Variants in SASH1 observed in about 807,000 individuals in gnomAD.
SASH1 encodes the protein SAM and SH3 domain containing 1.
SASH1 carries 44 observed loss-of-function variants against 125.2 expected under a neutral mutation model. The observed-to-expected ratio is 0.35, with a 90% CI of 0.28 to 0.45. The LOEUF is 0.45. Ranked by LOEUF, SASH1 falls within the 20% of genes least tolerant of loss-of-function variation. The probability of loss-of-function intolerance (pLI) is 1.00; values close to 1 mark genes in which losing one functional copy is unlikely to be tolerated. For synonymous variants in SASH1, 639 were observed against 649.1 expected, an observed-to-expected ratio of 0.98 and a Z score of 0.24; for missense variants, 1,426 against 1,614.5, an observed-to-expected ratio of 0.88 and a Z score of 2.00.
Position 148,543,859 on chromosome 6 carries a change from A to G in SASH1, c.2389A>G (p.Lys797Glu). Residue 797 changes from lysine (K) to glutamate (E), a missense_variant, in exon 18 of 20, where the codon AAG (lysine) becomes GAG (glutamate). Around this residue, in one of 3 missense-constraint regions of SASH1, gnomAD observed 634 missense variants for 694.4 expected, o/e 0.91. Coordinates refer to ENST00000367467, the MANE Select transcript of SASH1 (RefSeq NM_015278.5). ...TGGTGGCCTTGCCCCAGACACGTCC[A>G]AGAGCTGTGACCCACCTGGTGTGAC... ...LGGGLAPDTS[K>E]SCDPPGVTGL... is the part of the protein sequence containing the mutation. 1.2e-6 allele frequency: 2 copies of G among 1,614,174 alleles called. No individual in the cohort carries two copies. Among genetic ancestry groups the G allele is most frequent in the Middle Eastern group, 3.3e-4 (2 of 6,062 alleles).
At chr6:148,219,205 C>T in the SASH1 span, among the ~76,000 whole-genome samples, 1 of 152,208 alleles carries the variant, frequency 6.6e-6, no homozygotes, top group Non-Finnish European at 1.5e-5. Flanking sequence ...CCATCTCCCT[C>T]ACCTCCTACA....
chr6:148,255,649 T>G, the SASH1 span, among the ~76,000 whole-genome samples: 1 of 152,130 alleles, frequency 6.6e-6, no homozygotes, highest in African/African-American at 2.4e-5. Flanking sequence ...ATTTGTTTTT[T>G]TCTTTTGAGA....
intron 1 of SASH1, among the ~76,000 whole-genome samples, chr6:148,276,973 T>A (rs910945980): frequency 2.0e-5 from 3 of 152,080 alleles, no homozygotes; most frequent in Non-Finnish European, 4.4e-5. Context: ...TACATACCAT[T>A]TACTATGTGC....
At chr6:148,538,560 G>GTCACT (rs1782015146) in intron 16 of SASH1, among the ~76,000 whole-genome samples, 1 of 152,114 alleles carries the variant, frequency 6.6e-6, no homozygotes, top group African/African-American at 2.4e-5. Flanking sequence ...TTTTTCATTA[G>GTCACT]TCACTTTAAA....
chr6:148,213,277 A>G, the SASH1 span, among the ~76,000 whole-genome samples: 4 of 152,228 alleles, frequency 2.6e-5, no homozygotes, highest in African/African-American at 9.6e-5. Context: ...GATATTGCAC[A>G]GAAACCTCCA....
chr6:148,532,749 G>T lies in SASH1; in HGVS notation c.1565-48G>T. On this transcript the variant is annotated intron_variant, in intron 13 of 19. Coordinates refer to ENST00000367467, the MANE Select transcript of SASH1 (RefSeq NM_015278.5). This position sits in a 1 kb window ranked among gnomAD's most constrained non-coding sequence, Gnocchi z 4.7. ...CCTTCAATACCTTTCTGCTTTGCTG[G>T]GTGGGAAATCTGGATCTACCCGTGT... The T allele has an allele frequency of 6.2e-7, 1 of 1,603,076 alleles. No individual in the cohort carries two copies. Among genetic ancestry groups the T allele is most frequent in the Non-Finnish European group, 8.5e-7 (1 of 1,172,438 alleles).
upstream of SASH1, among the ~76,000 whole-genome samples, chr6:148,272,061 AAGTCC>A (rs1779075189): frequency 6.6e-6 from 1 of 152,138 alleles, no homozygotes; most frequent in African/African-American, 2.4e-5. Flanking sequence ...CTTCATTTTA[AAGTCC>A]GAGAACCCGA....
Position 148,495,167 on chromosome 6 carries a change from G to A in SASH1, c.729+7452G>A, listed in dbSNP as rs1301398571. ...GGTATGTGCCGAAAGCCAGGGCACC[G>A]GCAGAAGTTCCTTTTAAGTGGTTCT... On this transcript the variant is annotated intron_variant, in intron 8 of 19. Coordinates refer to ENST00000367467, the MANE Select transcript of SASH1 (RefSeq NM_015278.5). The surrounding 1 kb of genome is among the most constrained non-coding windows in gnomAD (Gnocchi z 4.0). Among the ~76,000 whole-genome samples the A allele has an allele frequency of 2.6e-5, 4 of 152,320 alleles. No homozygotes were observed. The highest frequency in any genetic ancestry group is 1.9e-4 in the East Asian group (1 of 5,182).
chr6:148,515,068 G>T (rs1319184192), intron 9 of SASH1, among the ~76,000 whole-genome samples: 2 of 152,288 alleles, frequency 1.3e-5, no homozygotes, highest in Non-Finnish European at 2.9e-5. Context: ...TATTGAAATG[G>T]ATAGTTAGCC....
chr6:148,278,296 C>A (rs1000111194), intron 1 of SASH1, among the ~76,000 whole-genome samples: 1 of 152,160 alleles, frequency 6.6e-6, no homozygotes, highest in Non-Finnish European at 1.5e-5. Flanking sequence ...CTTGGCCTAC[C>A]AAAGTGCTGG....
the SASH1 span, among the ~76,000 whole-genome samples, chr6:148,199,224 A>G: frequency 6.6e-6 from 1 of 152,136 alleles, no homozygotes; most frequent in Non-Finnish European, 1.5e-5. Context: ...TCTACTAAAA[A>G]TACAAAAATT....
chr6:148,496,504 A>C (rs1049854502), intron 8 of SASH1, among the ~76,000 whole-genome samples: 2 of 152,250 alleles, frequency 1.3e-5, no homozygotes, highest in African/African-American at 4.8e-5. Flanking sequence ...TATCCTTGGG[A>C]TAGGTATCAG....
intron 4 of SASH1, among the ~76,000 whole-genome samples, chr6:148,460,075 G>A (rs1156836000): frequency 6.6e-6 from 1 of 152,166 alleles, no homozygotes; most frequent in Non-Finnish European, 1.5e-5. Context: ...AAAGGAGGCA[G>A]GCTTGATTTG....
intron 8 of SASH1, among the ~76,000 whole-genome samples, chr6:148,509,837 G>A (rs1336892471): frequency 6.6e-6 from 1 of 152,240 alleles, no homozygotes; most frequent in Non-Finnish European, 1.5e-5. Context: ...CCAGCGTGTA[G>A]CTGTGTTATA....
chr6:148,383,758 G>A (rs1292793278), intron 1 of SASH1, among the ~76,000 whole-genome samples: 1 of 152,100 alleles, frequency 6.6e-6, no homozygotes, highest in Non-Finnish European at 1.5e-5. Context: ...GTAGTTTTAG[G>A]TTTTCCATTT....
Position 148,531,621 on chromosome 6 carries a change from A to C in SASH1, c.1524A>C (p.Val508=), listed in dbSNP as rs199886148. The C allele has an allele frequency of 5.7e-6, 9 of 1,576,802 alleles. No homozygotes were observed. The Admixed American group carries it at 1.5e-4, about 26-fold the overall frequency. ...CCAAGCTCAAGGCCGGGGGTTCTGT[A>C]GAAAGTCTTCGCAGTTCTCTCAGTG... ...DKPKLKAGGS[V]ESLRSSLSGQ... The change falls in exon 13 of 20, where the codon GTA becomes GTC. Residue 508 remains valine, a synonymous_variant. Transcript: ENST00000367467.
chr6:148,440,904 A>C (rs571902429), intron 4 of SASH1, among the ~76,000 whole-genome samples: 91 of 152,324 alleles, frequency 6.0e-4, no homozygotes, highest in African/African-American at 2.1e-3. Context: ...TTTCCTGTTA[A>C]AGGTAATATT....
intron 1 of SASH1, among the ~76,000 whole-genome samples, chr6:148,299,140 A>G (rs777345721): frequency 3.9e-5 from 6 of 152,188 alleles, no homozygotes; most frequent in Non-Finnish European, 7.3e-5. Context: ...TATGCCCAGC[A>G]TGGTTGAAGG....
chr6:148,246,381 G>C, the SASH1 span, among the ~76,000 whole-genome samples: 2 of 152,172 alleles, frequency 1.3e-5, no homozygotes, highest in Non-Finnish European at 2.9e-5. Context: ...TAATGTTTAT[G>C]TGTGTGTGCT....
Sources: gnomAD v4.1 joint callset for allele counts (sites outside exome capture counted in the v4.1 genomes callset) on GRCh38, gnomAD v4.1.1 for gene constraint, gnomAD v4.1.1 regional missense constraint, Gnocchi (gnomAD v3.1) non-coding constraint, MANE v1.5 for transcripts, NCBI Gene and HGNC (gene_info 2026-07-23, HGNC 2026-07-21) for gene names.